CRHR1: variants seen among roughly 807,000 people sequenced by gnomAD.
The protein encoded by CRHR1 is corticotropin releasing hormone receptor 1.
Under a neutral mutation model 56.0 loss-of-function variants are expected in CRHR1, and 28 were observed. That is an observed-to-expected ratio of 0.50 (90% CI 0.37 to 0.69). The LOEUF is 0.69. Ranked by LOEUF, CRHR1 falls within the 30% of genes least tolerant of loss-of-function variation. The pLI is 0.00. For missense variants in CRHR1, 376 were observed against 548.0 expected (o/e 0.69, Z 3.13); for synonymous variants, 195 against 216.5 (o/e 0.90, Z 0.87).
rs573214148 is a variant in CRHR1, at chr17:45,814,006, G to A, written c.122-2457G>A. 2.5e-3 allele frequency among the ~76,000 whole-genome samples: 378 copies of A among 152,328 alleles called. 1 individual carries two copies. Among genetic ancestry groups the A allele is most frequent in the Non-Finnish European group, 4.4e-3 (299 of 68,038 alleles). Reference sequence around the variant, plus strand: ...ATCCTCAGTGGCTGGCCTCTGCCTCGGCTCTGGCCTCGTCCTCGCTGTGGC... The same window carrying A: ...ATCCTCAGTGGCTGGCCTCTGCCTCAGCTCTGGCCTCGTCCTCGCTGTGGC... On this transcript the variant is annotated intron_variant, in intron 2 of 12. Transcript: ENST00000314537.
chr17:45,832,734 G>A (rs2143265207), intron 8 of CRHR1, among the ~76,000 whole-genome samples: 1 of 152,328 alleles, frequency 6.6e-6, no homozygotes, highest in East Asian at 1.9e-4. Context: ...ACTGCTGGGT[G>A]CCCACTGGGT....
rs193246646 is a variant in CRHR1, at chr17:45,791,737, C to T, written c.33+7160C>T. Among the ~76,000 whole-genome samples, 917 of 152,074 alleles carry T rather than the reference C, an allele frequency of 6.0e-3. 4 individuals carry two copies. The highest frequency in any genetic ancestry group is 0.02 in the African/African-American group (837 of 41,444). ...ATCCCTTCCACCACCCCCAGGGCTG[C>T]TCCTCCTCCCCAGAAGCAGGGTGCA... On this transcript the variant is annotated intron_variant, in intron 1 of 12. Transcript: ENST00000314537.
At chr17:45,804,626 G>A (rs2061687011) in intron 1 of CRHR1, among the ~76,000 whole-genome samples, 1 of 152,038 alleles carries the variant, frequency 6.6e-6, no homozygotes, top group East Asian at 1.9e-4. Flanking sequence ...TAAGGACAGG[G>A]AGAAGGTCCT....
At position 45,819,014 on chromosome 17, in the gene CRHR1, C is replaced by G. The variant is rs372817640; in HGVS notation, c.242-2341C>G. ...ATCAAAGCCTGCTCCCTCTGGGTGA[C>G]CCAGCCTCTGATGGGACTCCTGACT... On this transcript the variant is annotated intron_variant, in intron 3 of 12. Coordinates refer to ENST00000314537, the MANE Select transcript of CRHR1 (RefSeq NM_004382.5). 1.2e-4 allele frequency among the ~76,000 whole-genome samples: 18 copies of G among 152,260 alleles called. No individual in the cohort carries two copies. In the East Asian group the frequency reaches 2.7e-3, roughly 23 times the overall value.
chr17:45,830,833 C>T (rs1323522973), intron 7 of CRHR1, 47 bp from the exon 8 acceptor site: 2 of 1,589,476 alleles, frequency 1.3e-6, no homozygotes, highest in Middle Eastern at 1.7e-4. Flanking sequence ...AGGCCCACAT[C>T]CTCCAGCCCC....
At chr17:45,786,486 A>G (rs1387703412) in intron 1 of CRHR1, among the ~76,000 whole-genome samples, 1 of 152,148 alleles carries the variant, frequency 6.6e-6, no homozygotes, top group African/African-American at 2.4e-5. Flanking sequence ...AGTCCTCCTA[A>G]CAGCCCTAGG....
At chr17:45,807,244 A>C in intron 2 of CRHR1, 147 bp downstream of exon 2, 2 of 713,950 alleles carry the variant, frequency 2.8e-6, no homozygotes, top group Non-Finnish European at 4.7e-6. Flanking sequence ...AATTCTTCAC[A>C]TCTCCACCGA....
intron 4 of CRHR1, among the ~76,000 whole-genome samples, chr17:45,824,025 C>A (rs1320784028): frequency 6.6e-6 from 1 of 152,188 alleles, no homozygotes; most frequent in African/African-American, 2.4e-5. Context: ...GCTTGCTAAG[C>A]CCCCACACAG....
At chr17:45,797,488 CACTGT>C (rs2061543527) in intron 1 of CRHR1, among the ~76,000 whole-genome samples, 2 of 152,054 alleles carry the variant, frequency 1.3e-5, no homozygotes, top group South Asian at 4.2e-4. Flanking sequence ...GACGGGGTTT[CACTGT>C]GGTCTCAATC....
chr17:45,789,595 C>T (rs1308079171), intron 1 of CRHR1, among the ~76,000 whole-genome samples: 2 of 152,074 alleles, frequency 1.3e-5, no homozygotes, highest in African/African-American at 4.8e-5. Context: ...GTCTCGAATT[C>T]TCAAACTCCT....
In CRHR1 at chr17:45,784,510, C is replaced by T. The variant is rs2061292175; in HGVS notation, c.-35C>T. 3.3e-6 allele frequency: 5 copies of T among 1,532,506 alleles called. No homozygotes were observed. In the East Asian group the frequency reaches 1.1e-4, roughly 32 times the overall value. 94.9% of individuals were successfully genotyped at this position (1,532,506 alleles called of 1,614,324 possible). A position where few individuals can be genotyped will look rare whatever the true frequency, so the allele number is the denominator to read the frequency against. On this transcript the variant is annotated 5_prime_UTR_variant, in exon 1 of 13. Transcript: ENST00000314537. The surrounding 1 kb of genome is among the most constrained non-coding windows in gnomAD (Gnocchi z 4.2). ...GTCCCTCTGGGATGTCCGTAGGACC[C>T]GGGCATTCAGGACGGTAGCCGAGCG...
intron 8 of CRHR1, among the ~76,000 whole-genome samples, chr17:45,832,114 C>G (rs1425875201): frequency 6.6e-6 from 1 of 151,968 alleles, no homozygotes. Context: ...CACCTGTAGT[C>G]CAGCTACTCG....
rs535553518 is a variant in CRHR1 at position 45,830,507 on chromosome 17, G to A, written c.646G>A (p.Ala216Thr). The change falls in exon 7 of 13, where the codon GCC (alanine) becomes ACC (threonine). Residue 216 changes from alanine (A) to threonine (T), a missense_variant. Transcript: ENST00000314537. ...MFGEGCYLHT[A>T]IVLTYSTDRL... The stretch of plus-strand genomic sequence containing the variant: ...CGGCGAGGGCTGCTACCTGCACACA[G>A]CCATCGTGCTCACCTACTCCACTGA... The A allele has an allele frequency of 6.2e-7, 1 of 1,613,762 alleles. No homozygotes were observed. The highest frequency in any genetic ancestry group is 1.7e-5 in the Admixed American group (1 of 60,006).
chr17:45,823,778 G>C (rs2062097737), intron 4 of CRHR1, among the ~76,000 whole-genome samples: 1 of 152,176 alleles, frequency 6.6e-6, no homozygotes, highest in African/African-American at 2.4e-5. Flanking sequence ...CCCACCCCTG[G>C]CTTCCTGGCC....
rs1297431539 is a variant in CRHR1, at chr17:45,833,532, G to C, written c.924G>C (p.Gln308His). 6.2e-7 allele frequency: 1 copy of C among 1,613,908 alleles called. No homozygotes were observed. The highest frequency in any genetic ancestry group is 8.5e-7 in the Non-Finnish European group (1 of 1,179,920). Residue 308 changes from glutamine (Q) to histidine (H), a missense_variant, in exon 10 of 13, where the codon CAG becomes CAC. Coordinates refer to ENST00000314537, the MANE Select transcript of CRHR1 (RefSeq NM_004382.5). The part of the protein sequence containing the change: ...LRASTTSETI[Q>H]YRKAVKATLV... ...CATCCACCACGTCTGAGACCATTCA[G>C]TACAGGTAACCGGGTACCACCTTCC...
At chr17:45,787,309 G>T (rs1000984497) in intron 1 of CRHR1, among the ~76,000 whole-genome samples, 1 of 152,090 alleles carries the variant, frequency 6.6e-6, no homozygotes, top group Non-Finnish European at 1.5e-5. Flanking sequence ...GAGCACCTCG[G>T]AGTCAGCCAC....
chr17:45,795,634 T>C lies in CRHR1; in HGVS notation c.33+11057T>C, dbSNP rs1424058396. On this transcript the variant is annotated intron_variant, in intron 1 of 12. Transcript: ENST00000314537. ...GCTGGCTGAGTTATCCTCACTTCTG[T>C]TGATGCTTCAGAATCACTGGAACGC... is the stretch of plus-strand genomic sequence containing the variant. 2.0e-5 allele frequency among the ~76,000 whole-genome samples: 3 copies of C among 152,166 alleles called. No individual in the cohort carries two copies. The East Asian group carries it at 5.8e-4, about 29-fold the overall frequency.
chr17:45,817,367 C>T (rs899783206), intron 3 of CRHR1, among the ~76,000 whole-genome samples: 4 of 152,152 alleles, frequency 2.6e-5, no homozygotes, highest in Admixed American at 6.5e-5. Flanking sequence ...CAATTGGGGC[C>T]TCCTGTGTGC....
At position 45,807,435 on chromosome 17, in the gene CRHR1, G is replaced by A. The variant is rs1296382041; in HGVS notation, c.121+338G>A. On this transcript the variant is annotated intron_variant, in intron 2 of 12. Coordinates refer to ENST00000314537, the MANE Select transcript of CRHR1 (RefSeq NM_004382.5). ...AGCCCTTGCTGCTGAGTTGTGACTCGGGGAGGCATCAAGGGACGGAGGAAA... is the reference window on the plus strand; with the variant it reads ...AGCCCTTGCTGCTGAGTTGTGACTCAGGGAGGCATCAAGGGACGGAGGAAA... Among the ~76,000 whole-genome samples the A allele has an allele frequency of 4.6e-5, 7 of 152,334 alleles. No individual in the cohort carries two copies. The East Asian group carries it at 1.4e-3, about 29-fold the overall frequency.
Sources: gnomAD v4.1 joint callset for allele counts (sites outside exome capture counted in the v4.1 genomes callset) on GRCh38, gnomAD v4.1.1 for gene constraint, Gnocchi (gnomAD v3.1) non-coding constraint, MANE v1.5 for transcripts, NCBI Gene and HGNC (gene_info 2026-07-23, HGNC 2026-07-21) for gene names.